Variants in TRIP10 observed in about 807,000 individuals in gnomAD.
TRIP10 encodes thyroid hormone receptor interactor 10.
A neutral mutation model predicts 80.9 loss-of-function variants in TRIP10; 54 were observed. The observed-to-expected ratio is 0.67, with a 90% CI of 0.54 to 0.84. TRIP10 has a LOEUF of 0.84. Among genes scored for constraint, TRIP10 ranks in the 40% least tolerant of loss-of-function variants. TRIP10 has a pLI of 0.00. For synonymous variants in TRIP10, 321 were observed against 307.2 expected (o/e 1.04, Z -0.47); for missense variants, 773 against 815.3 (o/e 0.95, Z 0.63).
chr19:6,746,048 C>T lies in TRIP10; in HGVS notation c.1004C>T (p.Ser335Phe). 1 of 1,147,434 alleles carries T rather than the reference C, an allele frequency of 8.7e-7. No individual in the cohort carries two copies. The highest frequency in any genetic ancestry group is 1.2e-6 in the Non-Finnish European group (1 of 858,460). 71.1% of individuals were successfully genotyped at this position (1,147,434 alleles called of 1,614,324 possible). ...CGGTAGCCTCGCCCCCCACCCCTCT[C>T]CCCCCTGGGGGGCCCCGTACCCTCG... ...KKNKPRPPPL[S>F]PLGGPVPSAL... The change falls in exon 10 of 15, where the codon TCC (serine) becomes TTC (phenylalanine). Residue 335 changes from serine (S) to phenylalanine (F), a missense_variant. Ser to Phe is a radical substitution (Grantham distance 155). Transcript: ENST00000313244. The surrounding 1 kb of genome is among the most constrained non-coding windows in gnomAD (Gnocchi z 6.2).
At chr19:6,741,622 T>C (rs1599557554) in intron 3 of TRIP10, among the ~76,000 whole-genome samples, 1 of 152,146 alleles carries the variant, frequency 6.6e-6, no homozygotes, top group African/African-American at 2.4e-5. Flanking sequence ...TGACGATTCC[T>C]CCAGCTTTGT....
Position 6,747,445 on chromosome 19 carries a change from A to C in TRIP10, c.1262+884A>C, listed in dbSNP as rs371387910. ...ATCCTGATTCCCAAATCTGTGGCCA[A>C]GAATTCAATAAGATAAAATTAAGGG... On this transcript the variant is annotated intron_variant, in intron 11 of 14. Transcript: ENST00000313244. 1.0e-3 allele frequency among the ~76,000 whole-genome samples: 158 copies of C among 152,358 alleles called. 4 individuals are homozygous for C. In the South Asian group the frequency reaches 0.014, roughly 14 times the overall value.
At chr19:6,742,608 T>G (rs2145534177) in intron 3 of TRIP10, among the ~76,000 whole-genome samples, 1 of 151,766 alleles carries the variant, frequency 6.6e-6, no homozygotes, top group Admixed American at 6.6e-5. Flanking sequence ...GATTGGAGTT[T>G]GAGACCTCAT....
At position 6,750,344 on chromosome 19, in the gene TRIP10, T is replaced by C. The variant is rs748738105; in HGVS notation, c.1448T>C (p.Leu483Pro). 3.7e-6 allele frequency: 6 copies of C among 1,614,006 alleles called. No homozygotes were observed. The highest frequency in any genetic ancestry group is 1.1e-5 in the South Asian group (1 of 91,068). ...GTCCTTAGCAACCGGGGAGACAGCC[T>C]GAGCCGGCACGCCCGGCCTCCCGAC... ...SRVLSNRGDS[L>P]SRHARPPDPP... Residue 483 changes from leucine (L) to proline (P), a missense_variant, in exon 13 of 15, where the codon CTG (leucine) becomes CCG (proline). Transcript: ENST00000313244.
At position 6,744,642 on chromosome 19, in the gene TRIP10, T is replaced by A; in HGVS notation, c.731T>A (p.Ile244Lys). Residue 244 changes from isoleucine to lysine, a missense_variant, in exon 8 of 15, where the codon ATA (isoleucine) becomes AAA (lysine). By Grantham distance (102) the Ile-to-Lys change is moderately radical (BLOSUM62 -3). Coordinates refer to ENST00000313244, the MANE Select transcript of TRIP10 (RefSeq NM_001288962.2). This position sits in a 1 kb window ranked among gnomAD's most constrained non-coding sequence, Gnocchi z 4.9. ...GAGGCCGAGCTGGAGGTGGTGCCCA[T>A]AATAGCCAAGTGCTTGGAGGGCATG... ...LSEAELEVVPIIAKCLEGMKV... is the reference protein window; with the variant it reads ...LSEAELEVVPKIAKCLEGMKV... The A allele has an allele frequency of 1.2e-6, 2 of 1,613,250 alleles. No homozygotes were observed. The highest frequency in any genetic ancestry group is 1.7e-6 in the Non-Finnish European group (2 of 1,179,670).
At position 6,743,747 on chromosome 19, in the gene TRIP10, G is replaced by A. The variant is rs1291451993; in HGVS notation, c.553G>A (p.Glu185Lys). ...QAHLRSHMAE[E>K]SKNEYAAQLQ... The stretch of plus-strand genomic sequence containing the variant: ...CCACCTTCGGAGTCACATGGCCGAA[G>A]AAAGCAAAAACGAATATGCGGCTCA... Residue 185 changes from glutamate (E) to lysine (K), a missense_variant, in exon 7 of 15, where the codon GAA (glutamate) becomes AAA (lysine). Coordinates refer to ENST00000313244, the MANE Select transcript of TRIP10 (RefSeq NM_001288962.2). The A allele has an allele frequency of 6.2e-7, 1 of 1,613,990 alleles. No homozygotes were observed. The highest frequency in any genetic ancestry group is 8.5e-7 in the Non-Finnish European group (1 of 1,180,012).
chr19:6,741,794 T>C (rs1022638977), intron 3 of TRIP10, among the ~76,000 whole-genome samples: 13 of 152,166 alleles, frequency 8.5e-5, no homozygotes, highest in African/African-American at 3.1e-4. Context: ...CAGCAATCTC[T>C]GACCTGAACT....
Position 6,745,050 on chromosome 19 carries a change from T to C in TRIP10, c.984+56T>C. Reference sequence around the variant, plus strand: ...GAGAAGGACAGTGAAGTGGGGACAGTGGGGCCCCTATTGAGTCAGCCCCAG... The same window carrying C: ...GAGAAGGACAGTGAAGTGGGGACAGCGGGGCCCCTATTGAGTCAGCCCCAG... On this transcript the variant is annotated intron_variant, in intron 9 of 14. Transcript: ENST00000313244. The surrounding 1 kb of genome is among the most constrained non-coding windows in gnomAD (Gnocchi z 7.2). 6.4e-7 allele frequency: 1 copy of C among 1,564,830 alleles called. No homozygotes were observed. The highest frequency in any genetic ancestry group is 2.3e-5 in the East Asian group (1 of 44,166).
intron 5 of TRIP10, 61 bp from the exon 6 acceptor site, chr19:6,743,433 T>A (rs918186324): frequency 6.3e-7 from 1 of 1,588,740 alleles, no homozygotes; most frequent in African/African-American, 1.3e-5. Flanking sequence ...GAAACCTTGG[T>A]TTCCCACCCT....
Position 6,745,892 on chromosome 19 carries a change from G to GTTTTTCC in TRIP10, c.985-124_985-118dup. 7.9e-7 allele frequency: 1 copy of GTTTTTCC among 1,260,656 alleles called. No individual in the cohort carries two copies. Among genetic ancestry groups the GTTTTTCC allele is most frequent in the Non-Finnish European group, 1.0e-6 (1 of 1,001,106 alleles). 78.1% of individuals were successfully genotyped at this position (1,260,656 alleles called of 1,614,324 possible). ...ACCGTTTTTTTTCTTTCTCCATTTT[G>GTTTTTCC]TTTTTCCTTTTTCCTTTTTTTGCGT... On this transcript the variant is annotated intron_variant, in intron 9 of 14. Coordinates refer to ENST00000313244, the MANE Select transcript of TRIP10 (RefSeq NM_001288962.2). This position sits in a 1 kb window ranked among gnomAD's most constrained non-coding sequence, Gnocchi z 7.2.
rs542187750 is a variant in TRIP10, at chr19:6,745,088, C to G, written c.984+94C>G. ...GAGTCAGCCCCAGCCGCCTGAACGC[C>G]GAGTCTCGGGCAGGAATTTTCCTCT... On this transcript the variant is annotated intron_variant, in intron 9 of 14. Transcript: ENST00000313244. The surrounding 1 kb of genome is among the most constrained non-coding windows in gnomAD (Gnocchi z 7.2). 6.9e-7 allele frequency: 1 copy of G among 1,449,300 alleles called. No individual in the cohort carries two copies. Among genetic ancestry groups the G allele is most frequent in the East Asian group, 2.5e-5 (1 of 40,696 alleles). The allele number at this position is 1,449,300 out of a possible 1,614,324, so 89.8% of individuals were successfully genotyped here.
intron 3 of TRIP10, among the ~76,000 whole-genome samples, chr19:6,741,870 T>G (rs1454688217): frequency 2.6e-5 from 4 of 151,946 alleles, no homozygotes; most frequent in Admixed American, 1.3e-4. Flanking sequence ...CAGGCTGGAG[T>G]GCAGTGGCGC....
intron 11 of TRIP10, among the ~76,000 whole-genome samples, chr19:6,747,681 T>C (rs1969177335): frequency 6.6e-6 from 1 of 151,322 alleles, no homozygotes; most frequent in South Asian, 2.1e-4. Context: ...TAATTCCAGC[T>C]ACTCGGGAGG....
chr19:6,750,393 C>T lies in TRIP10; in HGVS notation c.1497C>T (p.Asp499=). The T allele has an allele frequency of 6.2e-7, 1 of 1,614,072 alleles. No individual in the cohort carries two copies. ...PPDPPASAPP[D]SSSNSASQDT... ...ACCCCCCCGCTAGCGCCCCGCCAGA[C>T]AGCAGCAGCAACAGCGCATCACAGG... Residue 499 remains aspartate, a synonymous_variant, in exon 13 of 15, where the codon GAC becomes GAT. Coordinates refer to ENST00000313244, the MANE Select transcript of TRIP10 (RefSeq NM_001288962.2).
chr19:6,746,266 G>C lies in TRIP10; in HGVS notation c.1152+70G>C. 6.7e-7 allele frequency: 1 copy of C among 1,483,576 alleles called. No homozygotes were observed. Among genetic ancestry groups the C allele is most frequent in the Non-Finnish European group, 9.0e-7 (1 of 1,110,726 alleles). 91.9% of individuals were successfully genotyped at this position (1,483,576 alleles called of 1,614,324 possible). A position where few individuals can be genotyped will look rare whatever the true frequency, so the allele number is the denominator to read the frequency against. Reference sequence around the variant, plus strand: ...CCCAGCGGCGGGTGGCGGGACCCTGGGCTCGCTTCCTGCCGCTGGCTGGGC... The same window carrying C: ...CCCAGCGGCGGGTGGCGGGACCCTGCGCTCGCTTCCTGCCGCTGGCTGGGC... On this transcript the variant is annotated intron_variant, in intron 10 of 14. Coordinates refer to ENST00000313244, the MANE Select transcript of TRIP10 (RefSeq NM_001288962.2). This position sits in a 1 kb window ranked among gnomAD's most constrained non-coding sequence, Gnocchi z 6.2.
rs2036893723 is a variant in TRIP10, at chr19:6,744,640, C to T, written c.729C>T (p.Pro243=). The change falls in exon 8 of 15, where the codon CCC becomes CCT. Residue 243 remains proline, a synonymous_variant. Coordinates refer to ENST00000313244, the MANE Select transcript of TRIP10 (RefSeq NM_001288962.2). The surrounding 1 kb of genome is among the most constrained non-coding windows in gnomAD (Gnocchi z 4.9). ...CGGAGGCCGAGCTGGAGGTGGTGCC[C>T]ATAATAGCCAAGTGCTTGGAGGGCA... The part of the protein sequence containing the change: ...LLSEAELEVV[P]IIAKCLEGMK... 1.9e-6 allele frequency: 3 copies of T among 1,613,314 alleles called. No homozygotes were observed. The highest frequency in any genetic ancestry group is 2.5e-6 in the Non-Finnish European group (3 of 1,179,654).
chr19:6,751,184 C>T lies in TRIP10; in HGVS notation c.1779C>T (p.Thr593=). The change falls in exon 15 of 15, where the codon ACC becomes ACT. Residue 593 remains threonine, a synonymous_variant. Coordinates refer to ENST00000313244, the MANE Select transcript of TRIP10 (RefSeq NM_001288962.2). ...RKEGGEGYVP[T]SYLRVTLN ...AGGGAGGCGAGGGCTACGTGCCCAC[C>T]TCCTACCTCCGAGTCACGCTCAATT... 6.2e-7 allele frequency: 1 copy of T among 1,613,982 alleles called. No homozygotes were observed. Among genetic ancestry groups the T allele is most frequent in the Non-Finnish European group, 8.5e-7 (1 of 1,179,984 alleles).
Position 6,751,353 on chromosome 19 carries a change from A to T in TRIP10, c.*142A>T, listed in dbSNP as rs1241204407. On this transcript the variant is annotated 3_prime_UTR_variant, in exon 15 of 15. Coordinates refer to ENST00000313244, the MANE Select transcript of TRIP10 (RefSeq NM_001288962.2). ...CTGCTGCCCCCTCCACCCCCAACCC[A>T]GTCCTACCTGTCACACCGGACGGAC... is the stretch of plus-strand genomic sequence containing the variant. 4.1e-6 allele frequency: 6 copies of T among 1,472,010 alleles called. No individual in the cohort carries two copies. Among genetic ancestry groups the T allele is most frequent in the South Asian group, 1.4e-5 (1 of 71,592 alleles). The allele number at this position is 1,472,010 out of a possible 1,614,324, so 91.2% of individuals were successfully genotyped here. A position where few individuals can be genotyped will look rare whatever the true frequency, so the allele number is the denominator to read the frequency against.
Position 6,745,056 on chromosome 19 carries a change from C to T in TRIP10, c.984+62C>T. 1 of 1,547,578 alleles carries T rather than the reference C, an allele frequency of 6.5e-7. No homozygotes were observed. Among genetic ancestry groups the T allele is most frequent in the Non-Finnish European group, 8.7e-7 (1 of 1,148,034 alleles). On this transcript the variant is annotated intron_variant, in intron 9 of 14. Coordinates refer to ENST00000313244, the MANE Select transcript of TRIP10 (RefSeq NM_001288962.2). The surrounding 1 kb of genome is among the most constrained non-coding windows in gnomAD (Gnocchi z 7.2). ...GACAGTGAAGTGGGGACAGTGGGGC[C>T]CCTATTGAGTCAGCCCCAGCCGCCT...
Sources: gnomAD v4.1 joint callset for allele counts (sites outside exome capture counted in the v4.1 genomes callset) on GRCh38, gnomAD v4.1.1 for gene constraint, Gnocchi (gnomAD v3.1) non-coding constraint, MANE v1.5 for transcripts, NCBI Gene and HGNC (gene_info 2026-07-23, HGNC 2026-07-21) for gene names.